Variants in FNBP1 observed in about 807,000 individuals in gnomAD.
FNBP1 encodes formin binding protein 1, also known as formin-binding protein 1.
A neutral mutation model predicts 90.6 loss-of-function variants in FNBP1; 26 were observed. The ratio of observed to expected loss-of-function variants is 0.29; its 90% CI spans 0.21 to 0.40. The LOEUF (loss-of-function observed/expected upper bound fraction) is 0.40. Among genes scored for constraint, FNBP1 ranks in the 10% least tolerant of loss-of-function variants. The probability of loss-of-function intolerance (pLI) is 1.00; values close to 1 mark genes in which losing one functional copy is unlikely to be tolerated. For missense variants in FNBP1, 635 were observed against 768.0 expected (o/e 0.83, Z 2.05); for synonymous variants, 260 against 265.2 (o/e 0.98, Z 0.19).
At chr9:129,952,328 G>A (rs757231378) in intron 6 of FNBP1, among the ~76,000 whole-genome samples, 11 of 151,674 alleles carry the variant, frequency 7.3e-5, no homozygotes, top group Non-Finnish European at 1.2e-4. Context: ...GTGAAACCTC[G>A]TCTCTACTAA....
At position 129,889,965 on chromosome 9, in the gene FNBP1, C is replaced by A. The variant is rs868152623; in HGVS notation, c.*574G>T. 92 of 238,316 alleles carry A rather than the reference C, an allele frequency of 3.9e-4. No individual in the cohort carries two copies. The highest frequency in any genetic ancestry group is 1.9e-3 in the African/African-American group (87 of 45,490). 14.8% of individuals were successfully genotyped at this position (238,316 alleles called of 1,614,324 possible). ...CAGGTTGAGGGCATAGTGAAAGGGT[C>A]AATGTTTAGTATGAGGTGCAAGCCT... On this transcript the variant is annotated 3_prime_UTR_variant, in exon 17 of 17. Coordinates refer to ENST00000446176, the MANE Select transcript of FNBP1 (RefSeq NM_015033.3).
chr9:130,024,712 G>A (rs1157099092), intron 1 of FNBP1, among the ~76,000 whole-genome samples: 3 of 152,296 alleles, frequency 2.0e-5, no homozygotes, highest in Admixed American at 2.0e-4. Context: ...GAAGGAAGAA[G>A]CCATCGTATC....
At chr9:130,003,112 T>C (rs2055106357) in intron 1 of FNBP1, among the ~76,000 whole-genome samples, 1 of 109,000 alleles carries the variant, frequency 9.2e-6, no homozygotes, top group African/African-American at 3.4e-5. Flanking sequence ...TGGGTCATTA[T>C]ATCTTCATTA....
the FNBP1 span, among the ~76,000 whole-genome samples, chr9:130,052,041 G>C: frequency 2.6e-5 from 4 of 152,184 alleles, no homozygotes; most frequent in Admixed American, 2.0e-4. Context: ...ATCTTTTCTT[G>C]AAACTATGAA....
chr9:130,017,967 G>A lies in FNBP1; in HGVS notation c.25-23009C>T, dbSNP rs1210328531. The stretch of plus-strand genomic sequence containing the variant: ...TTCACTCTGTCGCCCAGGCTGGAGT[G>A]CAGCGGTGCAATCTCGGCTCACTGC... On this transcript the variant is annotated intron_variant, in intron 1 of 16. Transcript: ENST00000446176. Among the ~76,000 whole-genome samples the A allele has an allele frequency of 6.8e-5, 9 of 132,560 alleles. No individual in the cohort carries two copies. The East Asian group carries it at 2.1e-3, about 31-fold the overall frequency. The allele number at this position is 132,560 out of a possible 152,430, so 87.0% of individuals were successfully genotyped here.
chr9:129,987,842 A>G (rs2052533097), intron 2 of FNBP1, among the ~76,000 whole-genome samples: 2 of 152,088 alleles, frequency 1.3e-5, no homozygotes, highest in African/African-American at 2.4e-5. Context: ...CCTCAGTTTC[A>G]CTTTACTGTC....
intron 2 of FNBP1, among the ~76,000 whole-genome samples, chr9:129,980,062 T>C (rs1336642785): frequency 2.0e-5 from 3 of 151,814 alleles, no homozygotes; most frequent in South Asian, 2.1e-4. Context: ...GTCCAAATGT[T>C]TAAAAATCAG....
At chr9:130,045,933 A>G (rs188206331), upstream of FNBP1, among the ~76,000 whole-genome samples, 243 of 152,282 alleles carry the variant, frequency 1.6e-3, 1 homozygote, top group African/African-American at 5.7e-3. Flanking sequence ...CTACTTAGGA[A>G]TCAGTTTTCA....
chr9:129,926,748 G>A (rs889883201), intron 8 of FNBP1, among the ~76,000 whole-genome samples: 2 of 37,426 alleles, frequency 5.3e-5, no homozygotes, highest in African/African-American at 8.0e-5. Context: ...TTAGCTGGGC[G>A]TGGTGCGGGC....
In FNBP1 at chr9:129,934,195, A is replaced by G. The variant is rs965482828; in HGVS notation, c.514-4500T>C. On this transcript the variant is annotated intron_variant, in intron 6 of 16. Transcript: ENST00000446176. ...GTCTAAAAATAGCAACTATTACCTC[A>G]AAGAGATAGTGTTTCCATTCTAAAC... is the stretch of plus-strand genomic sequence containing the variant. 2.0e-5 allele frequency among the ~76,000 whole-genome samples: 3 copies of G among 152,328 alleles called. No homozygotes were observed. In the South Asian group the frequency reaches 6.2e-4, roughly 32 times the overall value.
intron 10 of FNBP1, among the ~76,000 whole-genome samples, chr9:129,922,485 T>C (rs1428148932): frequency 6.6e-6 from 1 of 152,204 alleles, no homozygotes; most frequent in Non-Finnish European, 1.5e-5. Flanking sequence ...TTCACCTTTT[T>C]ATGCCTCAAT....
chr9:129,916,669 C>T (rs1260631323), intron 10 of FNBP1, among the ~76,000 whole-genome samples: 1 of 151,938 alleles, frequency 6.6e-6, no homozygotes, highest in African/African-American at 2.4e-5. Context: ...CTTTTGTTCT[C>T]CAAATTTCCC....
chr9:129,889,090 G>A lies in FNBP1; in HGVS notation c.*1449C>T, dbSNP rs1003004776. 2.3e-5 allele frequency: 5 copies of A among 215,938 alleles called. 1 individual carries two copies. The highest frequency in any genetic ancestry group is 1.3e-4 in the East Asian group (2 of 15,456). The allele number at this position is 215,938 out of a possible 1,614,324, so 13.4% of individuals were successfully genotyped here. On this transcript the variant is annotated 3_prime_UTR_variant, in exon 17 of 17. Coordinates refer to ENST00000446176, the MANE Select transcript of FNBP1 (RefSeq NM_015033.3). ...CTGCTCTAAGGCGTGGCGGGGGGGGGGGGTGGTGGCCACAGATTAGGGGAC... is the reference window on the plus strand; with the variant it reads ...CTGCTCTAAGGCGTGGCGGGGGGGGAGGGTGGTGGCCACAGATTAGGGGAC...
At chr9:129,932,757 T>C (rs1336879660) in intron 6 of FNBP1, among the ~76,000 whole-genome samples, 1 of 152,090 alleles carries the variant, frequency 6.6e-6, no homozygotes, top group African/African-American at 2.4e-5. Flanking sequence ...CTGTGTCCAC[T>C]AGTAAATATA....
At chr9:130,051,226 G>C in the FNBP1 span, among the ~76,000 whole-genome samples, 19 of 151,836 alleles carry the variant, frequency 1.3e-4, no homozygotes, top group African/African-American at 4.1e-4. Context: ...TTGTAGAGAA[G>C]GTGTTTCACC....
intron 8 of FNBP1, among the ~76,000 whole-genome samples, chr9:129,926,494 T>C (rs1242325055): frequency 6.6e-6 from 1 of 152,170 alleles, no homozygotes; most frequent in Non-Finnish European, 1.5e-5. Context: ...GGAGTGCTAC[T>C]GGCCTCTGCT....
At chr9:129,973,043 A>G (rs1477426780) in intron 4 of FNBP1, among the ~76,000 whole-genome samples, 4 of 152,190 alleles carry the variant, frequency 2.6e-5, no homozygotes, top group East Asian at 1.9e-4. Context: ...GTATGCTCAT[A>G]GAGTTTTCAT....
At chr9:129,950,359 C>T (rs566501789) in intron 6 of FNBP1, among the ~76,000 whole-genome samples, 2 of 152,158 alleles carry the variant, frequency 1.3e-5, no homozygotes, top group Non-Finnish European at 2.9e-5. Context: ...GTGGCACTTT[C>T]ATAAAAATAG....
chr9:129,917,723 T>C (rs1372863270), intron 10 of FNBP1, among the ~76,000 whole-genome samples: 2 of 152,148 alleles, frequency 1.3e-5, no homozygotes, highest in African/African-American at 2.4e-5. Flanking sequence ...TGTCCCTATA[T>C]AGAAACATGA....
Sources: gnomAD v4.1 joint callset for allele counts (sites outside exome capture counted in the v4.1 genomes callset) on GRCh38, gnomAD v4.1.1 for gene constraint, MANE v1.5 for transcripts, NCBI Gene and HGNC (gene_info 2026-07-23, HGNC 2026-07-21) for gene names.